The following TYR variants were observed in gnomAD, a reference collection of about 807,000 sequenced individuals.
TYR encodes the protein tyrosinase.
A neutral mutation model predicts 51.5 loss-of-function variants in TYR; 58 were observed. The ratio of observed to expected loss-of-function variants is 1.13; its 90% CI spans 0.91 to 1.40. The LOEUF (loss-of-function observed/expected upper bound fraction) is 1.40, where lower values mean the gene tolerates loss of function less well. Among genes scored for constraint, TYR ranks in the 40% most tolerant of loss-of-function variants. TYR has a pLI of 0.00. For synonymous variants in TYR, 263 were observed against 235.2 expected, an observed-to-expected ratio of 1.12 and a Z score of -1.08; for missense variants, 732 against 647.4, an observed-to-expected ratio of 1.13 and a Z score of -1.42.
At chr11:89,260,383 G>C (rs1330092620) in intron 3 of TYR, among the ~76,000 whole-genome samples, 1 of 151,968 alleles carries the variant, frequency 6.6e-6, no homozygotes, top group Non-Finnish European at 1.5e-5. Context: ...AAACTATGAA[G>C]GCCAGAAAAC....
intron 2 of TYR, among the ~76,000 whole-genome samples, chr11:89,199,767 G>A (rs970763355): frequency 2.0e-5 from 3 of 152,000 alleles, no homozygotes; most frequent in African/African-American, 7.3e-5. Flanking sequence ...TTTAGCATAG[G>A]CTGTCAGTCT....
chr11:89,198,397 G>C (rs1943552253), intron 2 of TYR, among the ~76,000 whole-genome samples: 1 of 152,086 alleles, frequency 6.6e-6, no homozygotes, highest in Non-Finnish European at 1.5e-5. Flanking sequence ...AAACTCAGTA[G>C]TTTGGTGTAC....
At chr11:89,181,497 A>G (rs1730090794) in intron 1 of TYR, among the ~76,000 whole-genome samples, 2 of 152,238 alleles carry the variant, frequency 1.3e-5, no homozygotes, top group Non-Finnish European at 2.9e-5. Context: ...GCTTAAATTA[A>G]GAACTAGACT....
intron 2 of TYR, among the ~76,000 whole-genome samples, chr11:89,214,651 C>T (rs1943809548): frequency 6.6e-6 from 1 of 151,998 alleles, no homozygotes; most frequent in Non-Finnish European, 1.5e-5. Context: ...CAATAATGGA[C>T]AGGATAAAGC....
chr11:89,236,235 TACACACACACAC>T (rs35744603), intron 3 of TYR, among the ~76,000 whole-genome samples: 1 of 148,818 alleles, frequency 6.7e-6, no homozygotes, highest in African/African-American at 2.5e-5. Flanking sequence ...CACACACACA[TACACACACACAC>T]ACACACACAC....
intron 2 of TYR, among the ~76,000 whole-genome samples, chr11:89,222,461 G>A (rs552945498): frequency 1.4e-4 from 21 of 152,242 alleles, no homozygotes; most frequent in African/African-American, 4.3e-4. Context: ...GTTGGGTGCC[G>A]GGCACGGTGT....
At position 89,227,920 on chromosome 11, in the gene TYR, G is replaced by C; in HGVS notation, c.1134G>C (p.Gln378His). Residue 378 changes from glutamine to histidine, a missense_variant, in exon 3 of 5, where the codon CAG becomes CAC. Gln to His is a conservative substitution (Grantham distance 24). Coordinates refer to ENST00000263321, the MANE Select transcript of TYR (RefSeq NM_000372.5). ...IYMNGTMSQV[Q>H]GSANDPIFLL... ...TGAATGGAACAATGTCCCAGGTACAGGGATCTGCCAACGATCCTATCTTCC... is the reference window on the plus strand; with the variant it reads ...TGAATGGAACAATGTCCCAGGTACACGGATCTGCCAACGATCCTATCTTCC... 6.2e-7 allele frequency: 1 copy of C among 1,613,584 alleles called. No individual in the cohort carries two copies. The highest frequency in any genetic ancestry group is 8.5e-7 in the Non-Finnish European group (1 of 1,179,724).
intron 3 of TYR, among the ~76,000 whole-genome samples, chr11:89,277,099 TC>T (rs1944663696): frequency 1.3e-5 from 2 of 151,816 alleles, no homozygotes; most frequent in Admixed American, 1.3e-4. Context: ...GATAGTACCA[TC>T]CCTTTTCTAT....
intron 3 of TYR, among the ~76,000 whole-genome samples, chr11:89,258,339 A>ATT (rs962952633): frequency 1.3e-5 from 2 of 149,118 alleles, no homozygotes; most frequent in African/African-American, 4.9e-5. Context: ...AAGAAAATTG[A>ATT]TTTTTTTTTT....
At chr11:89,275,042 C>T (rs890590892) in intron 3 of TYR, among the ~76,000 whole-genome samples, 11 of 151,848 alleles carry the variant, frequency 7.2e-5, no homozygotes, top group South Asian at 4.2e-4. Context: ...TAGCTGTTGC[C>T]GCCTCATACC....
rs190137040 is a variant in TYR, at chr11:89,245,126, G to T, written c.1184+17156G>T. Among the ~76,000 whole-genome samples, 70 of 152,280 alleles carry T rather than the reference G, an allele frequency of 4.6e-4. 1 individual carries two copies. The highest frequency in any genetic ancestry group is 4.6e-4 in the Non-Finnish European group (31 of 68,028). ...CTGGTGGTTCTGTGAAGAATGAGTAGATTTTTTACTTGTGACATTTGTGTG... is the reference window on the plus strand; with the variant it reads ...CTGGTGGTTCTGTGAAGAATGAGTATATTTTTTACTTGTGACATTTGTGTG... On this transcript the variant is annotated intron_variant, in intron 3 of 4. Coordinates refer to ENST00000263321, the MANE Select transcript of TYR (RefSeq NM_000372.5).
intron 1 of TYR, among the ~76,000 whole-genome samples, chr11:89,186,660 C>T (rs116254861): frequency 6.6e-6 from 1 of 152,126 alleles, no homozygotes; most frequent in Non-Finnish European, 1.5e-5. Context: ...AGGCTGGCTG[C>T]ACCTTAGCAC....
At chr11:89,192,146 A>T in intron 2 of TYR, 2 of 252,996 alleles carry the variant, frequency 7.9e-6, no homozygotes, top group Non-Finnish European at 1.6e-5. Context: ...ATCTTCTCTA[A>T]CTCCTAAATA....
chr11:89,288,280 C>G (rs1944815513), intron 4 of TYR, among the ~76,000 whole-genome samples: 1 of 151,930 alleles, frequency 6.6e-6, no homozygotes. Flanking sequence ...AATTGAGACT[C>G]AGAAAGATAA....
At chr11:89,259,658 C>A (rs1297192924) in intron 3 of TYR, among the ~76,000 whole-genome samples, 1 of 152,070 alleles carries the variant, frequency 6.6e-6, no homozygotes, top group Non-Finnish European at 1.5e-5. Context: ...ACCCCTGGAT[C>A]CCCTTTCAGA....
At chr11:89,212,582 T>C (rs1245014344) in intron 2 of TYR, among the ~76,000 whole-genome samples, 1 of 152,192 alleles carries the variant, frequency 6.6e-6, no homozygotes, top group East Asian at 1.9e-4. Flanking sequence ...TCTTAATTCA[T>C]TTTATGAGGC....
In TYR at chr11:89,295,280, C is replaced by T. The variant is rs1178865719; in HGVS notation, c.1504C>T (p.His502Tyr). Residue 502 changes from histidine (H) to tyrosine (Y), a missense_variant, in exon 5 of 5, where the codon CAC (histidine) becomes TAC (tyrosine). Physicochemically the swap from His to Tyr is moderately conservative, Grantham distance 83. Coordinates refer to ENST00000263321, the MANE Select transcript of TYR (RefSeq NM_000372.5). ...LAGLVSLLCR[H>Y]KRKQLPEEKQ... ...AGGGCTTGTGAGCTTGCTGTGTCGT[C>T]ACAAGAGAAAGCAGCTTCCTGAAGA... The T allele has an allele frequency of 6.2e-7, 1 of 1,613,758 alleles. No homozygotes were observed. Among genetic ancestry groups the T allele is most frequent in the Admixed American group, 1.7e-5 (1 of 60,010 alleles).
rs1233789645 is a variant in TYR at position 89,178,275 on chromosome 11, TGG to T, written c.325_326del (p.Gly109ThrfsTer59). On this transcript the variant is annotated frameshift_variant, in exon 1 of 5. Transcript: ENST00000263321. LOFTEE classifies it high-confidence loss of function. ...CTGTGGAAACTGCAAGTTTGGCTTT[TGG>T]GGACCAAACTGCACAGAGAGACGAC... ...FNCGNCKFGFWGPNCTERRLL... is the reference protein window; with the variant it reads ...FNCGNCKFGFXGPNCTERRLL... 4 of 1,614,082 alleles carry T rather than the reference TGG, an allele frequency of 2.5e-6. No homozygotes were observed.
At chr11:89,222,257 C>T (rs1943921461) in intron 2 of TYR, among the ~76,000 whole-genome samples, 1 of 152,114 alleles carries the variant, frequency 6.6e-6, no homozygotes, top group South Asian at 2.1e-4. Flanking sequence ...GCAGTGCAAC[C>T]CTGGTCACAT....
Sources: gnomAD v4.1 joint callset for allele counts (sites outside exome capture counted in the v4.1 genomes callset) on GRCh38, gnomAD v4.1.1 for gene constraint, MANE v1.5 for transcripts, NCBI Gene and HGNC (gene_info 2026-07-23, HGNC 2026-07-21) for gene names.